CADPS: variants seen among roughly 807,000 people sequenced by gnomAD.
CADPS encodes the protein calcium-dependent secretion activator 1.
A neutral mutation model predicts 167.3 loss-of-function variants in CADPS; 57 were observed. The ratio of observed to expected loss-of-function variants is 0.34; its 90% CI spans 0.28 to 0.42. The LOEUF (loss-of-function observed/expected upper bound fraction) is 0.42. CADPS is among the 20% of genes least tolerant of loss of function. The pLI, the probability that CADPS is intolerant of heterozygous loss-of-function variation, is 1.00. For missense variants in CADPS, 1,414 were observed against 1,738.1 expected (o/e 0.81, Z 3.32); for synonymous variants, 676 against 635.3 (o/e 1.06, Z -0.96).
chr3:62,403,263 G>C (rs1038655845), intron 28 of CADPS, 78 bp from the exon 29 acceptor site: 1 of 917,030 alleles, frequency 1.1e-6, no homozygotes, highest in African/African-American at 1.6e-5. Context: ...GGCAATGTTT[G>C]AGTACCCCAC....
chr3:62,845,503 C>T (rs1245609748), intron 1 of CADPS, among the ~76,000 whole-genome samples: 1 of 152,132 alleles, frequency 6.6e-6, no homozygotes, highest in African/African-American at 2.4e-5. Context: ...AGGCCCACAG[C>T]AAGTATTCAA....
At chr3:62,532,847 C>G (rs1252838785) in intron 13 of CADPS, 24 bp downstream of exon 13, 2 of 1,609,466 alleles carry the variant, frequency 1.2e-6, no homozygotes, top group Non-Finnish European at 1.7e-6. Context: ...AGGATCACCT[C>G]TAGACACACG....
chr3:62,614,144 T>A lies in CADPS; in HGVS notation c.1326-21396A>T, dbSNP rs533490417. Among the ~76,000 whole-genome samples, 89 of 152,344 alleles carry A rather than the reference T, an allele frequency of 5.8e-4. No individual in the cohort carries two copies. The South Asian group carries it at 0.018, about 32-fold the overall frequency. ...CAGCTCCTATTTATTGAGCACTTACTATGGGCCAGGCAATGTTTCAAGAGG... is the reference window on the plus strand; with the variant it reads ...CAGCTCCTATTTATTGAGCACTTACAATGGGCCAGGCAATGTTTCAAGAGG... On this transcript the variant is annotated intron_variant, in intron 6 of 29. Coordinates refer to ENST00000383710, the MANE Select transcript of CADPS (RefSeq NM_003716.4).
chr3:62,753,784 A>C lies in CADPS; in HGVS notation c.556-11T>G. 1 of 1,606,098 alleles carries C rather than the reference A, an allele frequency of 6.2e-7. No individual in the cohort carries two copies. Among genetic ancestry groups the C allele is most frequent in the Non-Finnish European group, 8.5e-7 (1 of 1,175,186 alleles). On this transcript the variant is annotated splice_polypyrimidine_tract_variant and intron_variant, in intron 2 of 29. Transcript: ENST00000383710. This position sits in a 1 kb window ranked among gnomAD's most constrained non-coding sequence, Gnocchi z 4.6. ...GCTCTTCAGGAACACCTGAGCAAGA[A>C]CAAGGCCAGGAAAGACAGTAGGAGA...
chr3:62,716,347 C>T (rs2084620594), intron 3 of CADPS, among the ~76,000 whole-genome samples: 1 of 152,106 alleles, frequency 6.6e-6, no homozygotes, highest in Non-Finnish European at 1.5e-5. Flanking sequence ...AGCCATTGTG[C>T]CTGGCCTATG....
At chr3:62,720,593 C>T (rs2075591924) in intron 3 of CADPS, among the ~76,000 whole-genome samples, 1 of 152,082 alleles carries the variant, frequency 6.6e-6, no homozygotes, top group Non-Finnish European at 1.5e-5. Flanking sequence ...CCTGCCTCAG[C>T]CTCCCAAAGT....
At chr3:62,610,686 T>TA (rs1226586102) in intron 6 of CADPS, among the ~76,000 whole-genome samples, 1 of 152,180 alleles carries the variant, frequency 6.6e-6, no homozygotes, top group East Asian at 1.9e-4. Flanking sequence ...TAGAGGTCTT[T>TA]ATCAAGATAA....
At chr3:62,727,600 C>A (rs2076979027) in intron 3 of CADPS, among the ~76,000 whole-genome samples, 1 of 151,780 alleles carries the variant, frequency 6.6e-6, no homozygotes, top group Non-Finnish European at 1.5e-5. Context: ...TAAGGAGGCA[C>A]CTGCGGAGAT....
intron 6 of CADPS, among the ~76,000 whole-genome samples, chr3:62,637,580 T>C (rs1418939659): frequency 6.6e-6 from 1 of 152,246 alleles, no homozygotes; most frequent in Non-Finnish European, 1.5e-5. Flanking sequence ...TTCATCTCCC[T>C]TTAAATATAG....
At chr3:62,626,599 G>A (rs1212871547) in intron 6 of CADPS, 1 of 700,734 alleles carries the variant, frequency 1.4e-6, no homozygotes, top group Admixed American at 2.0e-5. Context: ...CAGTGTGAAG[G>A]AAGAACGTCT....
chr3:62,599,963 T>C (rs774749307), intron 6 of CADPS, among the ~76,000 whole-genome samples: 15 of 103,142 alleles, frequency 1.5e-4, no homozygotes, highest in Non-Finnish European at 2.6e-4. Context: ...TATATAATGA[T>C]ATACATGGCA....
At position 62,637,265 on chromosome 3, in the gene CADPS, C is replaced by T. The variant is rs539044519; in HGVS notation, c.1325+8457G>A. Among the ~76,000 whole-genome samples, 24 of 152,190 alleles carry T rather than the reference C, an allele frequency of 1.6e-4. No homozygotes were observed. The South Asian group carries it at 4.2e-3, about 26-fold the overall frequency. ...TGGTCAAGGTTACCCAGCTGGTGAA[C>T]GGTGAAACTGTGATTTAAACCCAGC... On this transcript the variant is annotated intron_variant, in intron 6 of 29. Transcript: ENST00000383710.
At chr3:62,592,981 G>C (rs546011177) in intron 6 of CADPS, among the ~76,000 whole-genome samples, 3 of 152,204 alleles carry the variant, frequency 2.0e-5, no homozygotes, top group Non-Finnish European at 4.4e-5. Flanking sequence ...AGCACTATAA[G>C]GAATGACTTG....
At chr3:62,578,587 G>A (rs949678014) in intron 8 of CADPS, among the ~76,000 whole-genome samples, 1 of 130,694 alleles carries the variant, frequency 7.7e-6, no homozygotes, top group African/African-American at 2.9e-5. Context: ...TCCAGCCTGG[G>A]TGACAGAGCA....
In CADPS at chr3:62,645,213, G is replaced by C. The variant is rs143427655; in HGVS notation, c.1325+509C>G. ...GGGACTCAGGGGAAAGAGTGGGAAGGGGGTAACGGATAACAGACTACAAAC... is the reference window on the plus strand; with the variant it reads ...GGGACTCAGGGGAAAGAGTGGGAAGCGGGTAACGGATAACAGACTACAAAC... On this transcript the variant is annotated intron_variant, in intron 6 of 29. Transcript: ENST00000383710. Among the ~76,000 whole-genome samples, 603 of 151,980 alleles carry C rather than the reference G, an allele frequency of 4.0e-3. 13 individuals carry two copies. In the East Asian group the frequency reaches 0.048, roughly 12 times the overall value.
At chr3:62,588,744 T>C (rs2085240594) in intron 7 of CADPS, among the ~76,000 whole-genome samples, 1 of 152,206 alleles carries the variant, frequency 6.6e-6, no homozygotes, top group Non-Finnish European at 1.5e-5. Context: ...AAAATATATC[T>C]ACATAATGGA....
At chr3:62,679,301 C>A (rs1394180821) in intron 3 of CADPS, among the ~76,000 whole-genome samples, 2 of 152,018 alleles carry the variant, frequency 1.3e-5, no homozygotes, top group Non-Finnish European at 2.9e-5. Flanking sequence ...GTTAAACGCA[C>A]ACTGAGGAAG....
intron 29 of CADPS, among the ~76,000 whole-genome samples, chr3:62,402,135 A>T (rs1375907434): frequency 6.7e-6 from 1 of 149,302 alleles, no homozygotes; most frequent in East Asian, 2.0e-4. Context: ...GATAATAATA[A>T]TTCTCCTTAA....
At chr3:62,813,006 T>C (rs1434827802) in intron 1 of CADPS, among the ~76,000 whole-genome samples, 1 of 152,042 alleles carries the variant, frequency 6.6e-6, no homozygotes, top group Non-Finnish European at 1.5e-5. Flanking sequence ...TACTCACGGA[T>C]TAGAAGAATA....
Sources: gnomAD v4.1 joint callset for allele counts (sites outside exome capture counted in the v4.1 genomes callset) on GRCh38, gnomAD v4.1.1 for gene constraint, Gnocchi (gnomAD v3.1) non-coding constraint, MANE v1.5 for transcripts, NCBI Gene and HGNC (gene_info 2026-07-23, HGNC 2026-07-21) for gene names.